Variants in ADRA1B observed in about 807,000 individuals in gnomAD.
The protein encoded by ADRA1B is alpha-1B adrenergic receptor.
ADRA1B carries 17 observed loss-of-function variants against 17.9 expected under a neutral mutation model. The observed-to-expected ratio is 0.95, with a 90% CI of 0.65 to 1.42. The LOEUF is 1.42. Among genes scored for constraint, ADRA1B ranks in the 40% most tolerant of loss-of-function variants. ADRA1B has a pLI of 0.00. For synonymous variants in ADRA1B, 366 were observed against 327.6 expected, an observed-to-expected ratio of 1.12 and a Z score of -1.27; for missense variants, 681 against 722.1, an observed-to-expected ratio of 0.94 and a Z score of 0.65.
chr5:159,888,804 C>A (rs1394919044), intron 1 of ADRA1B, among the ~76,000 whole-genome samples: 1 of 152,222 alleles, frequency 6.6e-6, no homozygotes, highest in Non-Finnish European at 1.5e-5. Flanking sequence ...TAGTGGAAAC[C>A]TACTTGTTTA....
chr5:159,966,842 G>A (rs1050789447), intron 1 of ADRA1B, among the ~76,000 whole-genome samples: 18 of 152,196 alleles, frequency 1.2e-4, no homozygotes, highest in East Asian at 3.8e-4. Flanking sequence ...ACTGCAGTCC[G>A]TAATAGCCAA....
At chr5:159,937,440 T>C (rs1251525554) in intron 1 of ADRA1B, among the ~76,000 whole-genome samples, 1 of 136,358 alleles carries the variant, frequency 7.3e-6, no homozygotes, top group African/African-American at 2.5e-5. Context: ...CTCTCTTTTG[T>C]TTTTTTGTTT....
At chr5:159,973,941 TC>T (rs768229269), downstream of ADRA1B, among the ~76,000 whole-genome samples, 1 of 152,212 alleles carries the variant, frequency 6.6e-6, no homozygotes, top group South Asian at 2.1e-4. Context: ...GGAACGCTCT[TC>T]CCCCATCCCA....
the ADRA1B span, among the ~76,000 whole-genome samples, chr5:159,987,061 G>T: frequency 2.8e-4 from 42 of 152,330 alleles, no homozygotes; most frequent in African/African-American, 9.6e-4. Flanking sequence ...TTCCCAGGTG[G>T]TTAACGTCCA....
At chr5:159,876,483 A>G (rs974471291) in intron 1 of ADRA1B, among the ~76,000 whole-genome samples, 7 of 152,346 alleles carry the variant, frequency 4.6e-5, no homozygotes, top group Non-Finnish European at 8.8e-5. Context: ...ATTTGCCAGA[A>G]CTAAACCACA....
chr5:159,865,475 A>G lies in ADRA1B; in HGVS notation c.-256+269A>G, dbSNP rs570077745. ...AGCGTAACTCGCATGGTTTGTAGCC[A>G]ACGCTGATCACTAATTCTCGCAATC... On this transcript the variant is annotated intron_variant, in intron 1 of 2. Coordinates refer to the ADRA1B transcript ENST00000641205. Among the ~76,000 whole-genome samples the G allele has an allele frequency of 7.2e-5, 11 of 152,352 alleles. No individual in the cohort carries two copies. In the South Asian group the frequency reaches 2.3e-3, roughly 32 times the overall value.
chr5:159,923,619 G>A (rs1336911836), intron 1 of ADRA1B, among the ~76,000 whole-genome samples: 2 of 152,282 alleles, frequency 1.3e-5, no homozygotes, highest in Admixed American at 6.5e-5. Flanking sequence ...AATACATCAT[G>A]CGAGGAACAA....
intron 1 of ADRA1B, among the ~76,000 whole-genome samples, chr5:159,900,714 C>T (rs774066942): frequency 6.6e-6 from 1 of 152,256 alleles, no homozygotes; most frequent in Non-Finnish European, 1.5e-5. Context: ...ATACCCCCCA[C>T]TGAGCAAGCC....
intron 1 of ADRA1B, among the ~76,000 whole-genome samples, chr5:159,905,204 A>G: frequency 6.6e-6 from 1 of 152,222 alleles, no homozygotes; most frequent in South Asian, 2.1e-4. Flanking sequence ...AGTTGAAAGG[A>G]AGAGAGGGTT....
intron 1 of ADRA1B, chr5:159,950,731 T>A (rs1755412954): frequency 1.5e-6 from 1 of 660,150 alleles, no homozygotes; most frequent in African/African-American, 1.8e-5. Flanking sequence ...CTTCTTAATG[T>A]CATCATATTT....
rs146679314 is a variant in ADRA1B at position 159,890,310 on chromosome 5, G to T, written c.-256+25104G>T. Among the ~76,000 whole-genome samples the T allele has an allele frequency of 8.0e-4, 122 of 152,294 alleles. 1 individual carries two copies. The East Asian group carries it at 0.023, about 28-fold the overall frequency. ...CCAACCTCCTTCCAATAGCAGCCAA[G>T]AATTTTCCCAGGTGTAGGATACTTG... is the stretch of plus-strand genomic sequence containing the variant. On this transcript the variant is annotated intron_variant, in intron 1 of 2. Transcript: ENST00000641205.
intron 1 of ADRA1B, among the ~76,000 whole-genome samples, chr5:159,934,052 C>T (rs901338372): frequency 1.3e-5 from 2 of 152,228 alleles, no homozygotes; most frequent in East Asian, 1.9e-4. Context: ...GCCAGACTCA[C>T]GAATTGAAAA....
chr5:159,939,517 T>C (rs1755068036), intron 1 of ADRA1B, among the ~76,000 whole-genome samples: 1 of 152,048 alleles, frequency 6.6e-6, no homozygotes, highest in Non-Finnish European at 1.5e-5. Context: ...GAATCTAACC[T>C]ACCCCATCTC....
At chr5:159,950,664 G>A in intron 1 of ADRA1B, 2 of 752,032 alleles carry the variant, frequency 2.7e-6, no homozygotes. Context: ...AGACAACCTG[G>A]TGCTCAGTGT....
chr5:159,930,778 C>T (rs1754781947), intron 1 of ADRA1B, among the ~76,000 whole-genome samples: 1 of 151,772 alleles, frequency 6.6e-6, no homozygotes, highest in African/African-American at 2.4e-5. Flanking sequence ...TTTATAACCT[C>T]TGTATTATTT....
chr5:159,962,400 G>A (rs1033963789), intron 1 of ADRA1B, among the ~76,000 whole-genome samples: 52 of 136,606 alleles, frequency 3.8e-4, no homozygotes, highest in Non-Finnish European at 7.1e-4. Context: ...GCTGCCATCC[G>A]TCTGATTTCA....
chr5:159,927,823 C>G (rs1754704381), intron 1 of ADRA1B, among the ~76,000 whole-genome samples: 1 of 152,014 alleles, frequency 6.6e-6, no homozygotes, highest in Non-Finnish European at 1.5e-5. Context: ...GAAAGAGAAA[C>G]TGGCACTAAC....
At chr5:159,945,305 T>C (rs1445902108) in intron 1 of ADRA1B, among the ~76,000 whole-genome samples, 1 of 152,022 alleles carries the variant, frequency 6.6e-6, no homozygotes, top group East Asian at 1.9e-4. Flanking sequence ...TGAGCCCAGA[T>C]TGCGCCATTG....
Position 159,917,309 on chromosome 5 carries a change from G to A in ADRA1B, c.404G>A (p.Ser135Asn). ...CTGTGCTGCACAGCGTCCATTCTGA[G>A]CCTGTGCGCCATCTCCATCGATCGC... The part of the protein sequence containing the change: ...DVLCCTASIL[S>N]LCAISIDRYI... The change falls in exon 1 of 2, where the codon AGC (serine) becomes AAC (asparagine). Residue 135 changes from serine (S) to asparagine (N), a missense_variant. Ser to Asn is a conservative substitution (Grantham distance 46). Around this residue, in one of 3 missense-constraint regions of ADRA1B, gnomAD observed 424 missense variants for 480.2 expected, o/e 0.88. Coordinates refer to ENST00000306675, the MANE Select transcript of ADRA1B (RefSeq NM_000679.4). 1 of 1,614,092 alleles carries A rather than the reference G, an allele frequency of 6.2e-7. No homozygotes were observed. The highest frequency in any genetic ancestry group is 8.5e-7 in the Non-Finnish European group (1 of 1,180,030).
Sources: gnomAD v4.1 joint callset for allele counts (sites outside exome capture counted in the v4.1 genomes callset) on GRCh38, gnomAD v4.1.1 for gene constraint, gnomAD v4.1.1 regional missense constraint, MANE v1.5 for transcripts, NCBI Gene and HGNC (gene_info 2026-07-23, HGNC 2026-07-21) for gene names.